The following IL12RB2 variants were observed in gnomAD, a reference collection of about 807,000 sequenced individuals.
The protein encoded by IL12RB2 is interleukin-12 receptor subunit beta-2.
IL12RB2 carries 82 observed loss-of-function variants against 89.4 expected under a neutral mutation model. That is an observed-to-expected ratio of 0.92 (90% confidence interval 0.77 to 1.10). The LOEUF (loss-of-function observed/expected upper bound fraction) is 1.10, where lower values mean the gene tolerates loss of function less well. Among genes scored for constraint, IL12RB2 ranks in the 50% least tolerant of loss-of-function variants. The pLI is 0.00. For synonymous variants in IL12RB2, 368 were observed against 370.1 expected, an observed-to-expected ratio of 0.99 and a Z score of 0.07; for missense variants, 963 against 1,031.9, an observed-to-expected ratio of 0.93 and a Z score of 0.92.
chr1:67,361,616 G>A (rs755168199), intron 10 of IL12RB2, among the ~76,000 whole-genome samples: 5 of 151,944 alleles, frequency 3.3e-5, no homozygotes, highest in Non-Finnish European at 5.9e-5. Flanking sequence ...GAAAAGCAAA[G>A]AGAACAAAGA....
At chr1:67,340,819 G>T (rs1233886526) in intron 9 of IL12RB2, among the ~76,000 whole-genome samples, 2 of 152,194 alleles carry the variant, frequency 1.3e-5, no homozygotes, top group African/African-American at 4.8e-5. Context: ...CTGCTGCCCT[G>T]ATTTTATTTC....
rs1491158786 is a variant in IL12RB2, at chr1:67,362,908, CGT to C, written c.1259-4916_1259-4915del. Among the ~76,000 whole-genome samples, 10 of 115,458 alleles carry C rather than the reference CGT, an allele frequency of 8.7e-5. No individual in the cohort carries two copies. In the South Asian group the frequency reaches 1.0e-3, roughly 12 times the overall value. 75.7% of individuals were successfully genotyped at this position (115,458 alleles called of 152,430 possible). The stretch of plus-strand genomic sequence containing the variant: ...AGGCAAAATACAAACTTTAATTACT[CGT>C]TTTTTTTTTTTGTGACGGAGTCTTG... On this transcript the variant is annotated intron_variant, in intron 10 of 16. Coordinates refer to ENST00000674203, the MANE Select transcript of IL12RB2 (RefSeq NM_001374259.2).
chr1:67,367,893 C>T lies in IL12RB2; in HGVS notation c.1327C>T (p.Pro443Ser). 6.2e-7 allele frequency: 1 copy of T among 1,608,986 alleles called. No homozygotes were observed. Among genetic ancestry groups the T allele is most frequent in the East Asian group, 2.2e-5 (1 of 44,858 alleles). Residue 443 changes from proline to serine, a missense_variant, in exon 11 of 17, where the codon CCT becomes TCT. By Grantham distance (74) the Pro-to-Ser change is moderately conservative. Transcript: ENST00000674203. ...GGACAACATTCTGGTGACTTGGCAG[C>T]CTCCCAGGAAAGATCCCTCTGCTGT... is the stretch of plus-strand genomic sequence containing the variant. ...GMDNILVTWQ[P>S]PRKDPSAVQE...
In IL12RB2 at chr1:67,314,377, G is replaced by A. The variant is rs889106739; in HGVS notation, c.-37+377G>A. ...GGAAATAGGAACCAGCCTCAGTGGG[G>A]TTCTTACTTTGTGCTAAGTATTCTC... On this transcript the variant is annotated intron_variant, in intron 2 of 16. Transcript: ENST00000674203. 1.2e-4 allele frequency among the ~76,000 whole-genome samples: 19 copies of A among 152,284 alleles called. No homozygotes were observed. In the South Asian group the frequency reaches 3.9e-3, roughly 32 times the overall value.
intron 2 of IL12RB2, 63 bp from the exon 3 acceptor site, chr1:67,320,270 C>T (rs1357005963): frequency 6.2e-7 from 1 of 1,605,586 alleles, no homozygotes; most frequent in East Asian, 2.2e-5. Flanking sequence ...CTCTTCTGAG[C>T]TATTTTGGCT....
At chr1:67,312,057 G>GT (rs1655136597) in intron 1 of IL12RB2, among the ~76,000 whole-genome samples, 1 of 152,164 alleles carries the variant, frequency 6.6e-6, no homozygotes, top group African/African-American at 2.4e-5. Context: ...AGGAAGAAAA[G>GT]TTAGTGAAAG....
chr1:67,358,400 AC>A (rs1258643858), intron 10 of IL12RB2, among the ~76,000 whole-genome samples: 2 of 152,002 alleles, frequency 1.3e-5, no homozygotes, highest in African/African-American at 2.4e-5. Flanking sequence ...ACCTGGTGAA[AC>A]CCTGTCTCTA....
At chr1:67,366,910 T>C (rs983767305) in intron 10 of IL12RB2, among the ~76,000 whole-genome samples, 2 of 152,106 alleles carry the variant, frequency 1.3e-5, no homozygotes, top group African/African-American at 2.4e-5. Flanking sequence ...CCCAGAAACA[T>C]GTTGAGTGAA....
chr1:67,365,526 A>G (rs1662577658), intron 10 of IL12RB2, among the ~76,000 whole-genome samples: 1 of 152,210 alleles, frequency 6.6e-6, no homozygotes, highest in Non-Finnish European at 1.5e-5. Context: ...GTGCCCACGA[A>G]TTTGATAATC....
intron 13 of IL12RB2, among the ~76,000 whole-genome samples, chr1:67,373,505 T>C (rs1418558669): frequency 1.3e-5 from 2 of 152,226 alleles, no homozygotes; most frequent in Non-Finnish European, 2.9e-5. Flanking sequence ...TATTTTCTTC[T>C]TAAAATGGAT....
intron 4 of IL12RB2, 27 bp from the exon 5 acceptor site, chr1:67,326,708 A>T (rs1657333010): frequency 6.2e-7 from 1 of 1,609,620 alleles, no homozygotes; most frequent in Non-Finnish European, 8.5e-7. Context: ...TGTGTGATAT[A>T]TAAGGTTTTG....
chr1:67,387,127 A>C (rs1665284493), intron 15 of IL12RB2, among the ~76,000 whole-genome samples: 1 of 150,848 alleles, frequency 6.6e-6, no homozygotes, highest in African/African-American at 2.4e-5. Context: ...ACAGGGTTTC[A>C]TCATGTTGGC....
At chr1:67,309,071 CAT>C (rs1356312997) in intron 1 of IL12RB2, among the ~76,000 whole-genome samples, 5 of 150,498 alleles carry the variant, frequency 3.3e-5, no homozygotes, top group African/African-American at 1.0e-4. Flanking sequence ...CACACACACA[CAT>C]ACACATATAT....
Position 67,386,741 on chromosome 1 carries a change from G to A in IL12RB2, c.1946+72G>A, listed in dbSNP as rs1379060198. The A allele has an allele frequency of 9.7e-6, 10 of 1,035,094 alleles. No individual in the cohort carries two copies. The East Asian group carries it at 2.4e-4, about 24-fold the overall frequency. 64.1% of individuals were successfully genotyped at this position (1,035,094 alleles called of 1,614,324 possible). On this transcript the variant is annotated intron_variant, in intron 15 of 16. Coordinates refer to ENST00000674203, the MANE Select transcript of IL12RB2 (RefSeq NM_001374259.2). The stretch of plus-strand genomic sequence containing the variant: ...ATGATAATAGCTGTTGCTGCCATGG[G>A]TCAGGGAAATGGACACTCTCACACA...
intron 9 of IL12RB2, among the ~76,000 whole-genome samples, chr1:67,342,571 G>A (rs1335899220): frequency 6.6e-6 from 1 of 151,816 alleles, no homozygotes; most frequent in East Asian, 1.9e-4. Context: ...TGAGTAGGGT[G>A]TGAATATGTA....
At chr1:67,339,456 G>A (rs191694404) in intron 9 of IL12RB2, among the ~76,000 whole-genome samples, 2 of 149,484 alleles carry the variant, frequency 1.3e-5, no homozygotes, top group African/African-American at 4.9e-5. Context: ...CACTGCACTC[G>A]AGCTTGGGTG....
intron 8 of IL12RB2, among the ~76,000 whole-genome samples, chr1:67,333,006 G>C (rs1658293301): frequency 6.6e-6 from 1 of 152,072 alleles, no homozygotes; most frequent in African/African-American, 2.4e-5. Flanking sequence ...AATGAGTATA[G>C]CAACTCATTA....
intron 2 of IL12RB2, among the ~76,000 whole-genome samples, chr1:67,316,226 AAG>A (rs147117955): frequency 0.039 from 5,871 of 152,230 alleles, 130 homozygotes; most frequent in Admixed American, 0.067. Context: ...CTAAGATAGG[AAG>A]ATGCCAGGGT....
chr1:67,308,454 A>C (rs1189519361), intron 1 of IL12RB2, among the ~76,000 whole-genome samples: 1 of 152,072 alleles, frequency 6.6e-6, no homozygotes, highest in Non-Finnish European at 1.5e-5. Context: ...ATGAGGGTGA[A>C]CTAACCTTGT....
Sources: gnomAD v4.1 joint callset for allele counts (sites outside exome capture counted in the v4.1 genomes callset) on GRCh38, gnomAD v4.1.1 for gene constraint, MANE v1.5 for transcripts, NCBI Gene and HGNC (gene_info 2026-07-23, HGNC 2026-07-21) for gene names.